Variants in KIZ observed in about 807,000 individuals in gnomAD.
KIZ encodes the protein centrosomal protein kizuna.
Under a neutral mutation model 79.6 loss-of-function variants are expected in KIZ, and 68 were observed. That is an observed-to-expected ratio of 0.85 (90% CI 0.70 to 1.05). The LOEUF (loss-of-function observed/expected upper bound fraction) is 1.05. KIZ is among the 50% of genes least tolerant of loss of function. The pLI is 0.00. For synonymous variants in KIZ, 280 were observed against 281.8 expected (o/e 0.99, Z 0.06); for missense variants, 797 against 800.4 (o/e 1.00, Z 0.05).
chr20:21,210,381 GTTT>G (rs879808535), intron 7 of KIZ, among the ~76,000 whole-genome samples: 3 of 148,204 alleles, frequency 2.0e-5, no homozygotes, highest in African/African-American at 7.4e-5. Context: ...ACATAACCTT[GTTT>G]TTTTTTTACC....
At chr20:21,191,926 C>T (rs927868568) in intron 6 of KIZ, among the ~76,000 whole-genome samples, 1 of 151,928 alleles carries the variant, frequency 6.6e-6, no homozygotes, top group Non-Finnish European at 1.5e-5. Context: ...TAAAGCAGCC[C>T]GGAGCTCCCT....
intron 9 of KIZ, among the ~76,000 whole-genome samples, chr20:21,223,088 T>C (rs571524030): frequency 1.3e-5 from 2 of 152,230 alleles, no homozygotes; most frequent in African/African-American, 2.4e-5. Flanking sequence ...AAATAAATCA[T>C]TGAGTACAAA....
In KIZ at chr20:21,225,928, C is replaced by A. The variant is rs147282916; in HGVS notation, c.1679-3083C>A. The stretch of plus-strand genomic sequence containing the variant: ...AAAAATCTTCATACAGCTGATGCAT[C>A]CTCCCTGGGTAACATGTTCCAACAA... On this transcript the variant is annotated intron_variant, in intron 9 of 12. Transcript: ENST00000619189. 1.6e-3 allele frequency among the ~76,000 whole-genome samples: 248 copies of A among 152,304 alleles called. 1 individual carries two copies. Among genetic ancestry groups the A allele is most frequent in the African/African-American group, 5.9e-3 (245 of 41,562 alleles).
intron 11 of KIZ, among the ~76,000 whole-genome samples, chr20:21,235,293 G>A (rs2036969118): frequency 6.6e-6 from 1 of 152,182 alleles, no homozygotes; most frequent in South Asian, 2.1e-4. Context: ...TTCAGTGCAT[G>A]AGCCGTAATA....
chr20:21,228,861 T>G, intron 9 of KIZ, 150 bp from the exon 10 acceptor site: 2 of 555,328 alleles, frequency 3.6e-6, no homozygotes, highest in Non-Finnish European at 6.4e-6. Context: ...AATTGTTTTT[T>G]GTTTGTTTTC....
intron 10 of KIZ, among the ~76,000 whole-genome samples, chr20:21,231,805 A>C (rs2036842669): frequency 6.6e-6 from 1 of 152,152 alleles, no homozygotes; most frequent in African/African-American, 2.4e-5. Context: ...ACATCTAACT[A>C]ATGAAGAAGC....
chr20:21,238,607 T>C (rs1017401758), intron 11 of KIZ, among the ~76,000 whole-genome samples: 2 of 152,118 alleles, frequency 1.3e-5, no homozygotes, highest in African/African-American at 2.4e-5. Context: ...TGATGAGAGC[T>C]CTTGGCACAT....
intron 9 of KIZ, among the ~76,000 whole-genome samples, chr20:21,226,977 T>G (rs1419229726): frequency 6.6e-6 from 1 of 152,126 alleles, no homozygotes; most frequent in Non-Finnish European, 1.5e-5. Flanking sequence ...CAAAAGCTCC[T>G]GAGCCCACAC....
At chr20:21,167,462 G>A (rs2122752554) in intron 6 of KIZ, among the ~76,000 whole-genome samples, 1 of 151,916 alleles carries the variant, frequency 6.6e-6, no homozygotes, top group African/African-American at 2.4e-5. Context: ...AGCAGTAGTG[G>A]AACATTATAG....
intron 6 of KIZ, chr20:21,195,581 G>A (rs1468343698): frequency 6.6e-6 from 1 of 152,294 alleles, no homozygotes; most frequent in South Asian, 2.1e-4. Flanking sequence ...ATCCTGGTTT[G>A]GGAAGTGGGA....
rs1357574474 is a variant in KIZ, at chr20:21,163,011, A to T, written c.1204A>T (p.Met402Leu). ...PEPQPNPGGK[M>L]EGEDGIEALK... ...ACCACAGCCAAATCCAGGTGGCAAG[A>T]TGGAGGGAGAAGATGGAATAGAGGC... Residue 402 changes from methionine to leucine, a missense_variant, in exon 6 of 13, where the codon ATG becomes TTG. Transcript: ENST00000619189. 2 of 1,613,950 alleles carry T rather than the reference A, an allele frequency of 1.2e-6. No homozygotes were observed. Among genetic ancestry groups the T allele is most frequent in the South Asian group, 1.1e-5 (1 of 91,084 alleles).
intron 6 of KIZ, among the ~76,000 whole-genome samples, chr20:21,176,745 T>A (rs1359005257): frequency 6.6e-6 from 1 of 151,992 alleles, no homozygotes; most frequent in Non-Finnish European, 1.5e-5. Flanking sequence ...AAAGGATAGG[T>A]AATGTAAACA....
At chr20:21,238,643 C>T (rs1485883983) in intron 11 of KIZ, among the ~76,000 whole-genome samples, 1 of 152,158 alleles carries the variant, frequency 6.6e-6, no homozygotes, top group Non-Finnish European at 1.5e-5. Flanking sequence ...TGTCATCCCA[C>T]AGTTCCACTG....
chr20:21,161,014 C>T (rs1229407587), intron 4 of KIZ: 1 of 152,140 alleles, frequency 6.6e-6, no homozygotes, highest in African/African-American at 2.4e-5. Flanking sequence ...CCTGAACAGA[C>T]CAAGACAGCC....
intron 6 of KIZ, among the ~76,000 whole-genome samples, chr20:21,188,591 ATT>A (rs1168807352): frequency 2.1e-5 from 3 of 142,900 alleles, no homozygotes; most frequent in African/African-American, 2.5e-5. Flanking sequence ...CACCCTCCAC[ATT>A]TTTTTTTTTT....
In KIZ at chr20:21,136,555, G is replaced by A. The variant is rs1255406463; in HGVS notation, c.315+3G>A. 6.5e-7 allele frequency: 1 copy of A among 1,535,948 alleles called. No homozygotes were observed. Among genetic ancestry groups the A allele is most frequent in the Non-Finnish European group, 8.7e-7 (1 of 1,143,970 alleles). ...CAGAGAAGCTTCAAAAACTGAAGGT[G>A]ACTTCCTGTTTTTTACTGTGTTTTA... On this transcript the variant is annotated splice_donor_region_variant and intron_variant, in intron 3 of 12. Coordinates refer to ENST00000619189, the MANE Select transcript of KIZ (RefSeq NM_018474.6).
chr20:21,128,056 A>G (rs1448752655), intron 1 of KIZ, among the ~76,000 whole-genome samples: 1 of 152,198 alleles, frequency 6.6e-6, no homozygotes, highest in African/African-American at 2.4e-5. Flanking sequence ...TCTGTCACCC[A>G]GGCTGGAGTG....
intron 7 of KIZ, among the ~76,000 whole-genome samples, chr20:21,206,475 T>G: frequency 6.7e-6 from 1 of 149,988 alleles, no homozygotes; most frequent in East Asian, 2.0e-4. Context: ...GAGTTGGGGG[T>G]GGGGGCAGAG....
chr20:21,184,654 G>C (rs1455057673), intron 6 of KIZ, among the ~76,000 whole-genome samples: 1 of 152,200 alleles, frequency 6.6e-6, no homozygotes, highest in Non-Finnish European at 1.5e-5. Context: ...ATAACTGAGT[G>C]GGAAAGCTTC....
Sources: gnomAD v4.1 joint callset for allele counts (sites outside exome capture counted in the v4.1 genomes callset) on GRCh38, gnomAD v4.1.1 for gene constraint, MANE v1.5 for transcripts, NCBI Gene and HGNC (gene_info 2026-07-23, HGNC 2026-07-21) for gene names.